CFAP299: variants seen among roughly 807,000 people sequenced by gnomAD.
CFAP299 encodes the protein cilia and flagella associated protein 299.
Under a neutral mutation model 27.0 loss-of-function variants are expected in CFAP299, and 21 were observed. The observed-to-expected ratio is 0.78, with a 90% CI of 0.55 to 1.12. The LOEUF (loss-of-function observed/expected upper bound fraction) is 1.12. Ranked by LOEUF, CFAP299 falls within the 50% of genes most tolerant of loss-of-function variation. CFAP299 has a pLI of 0.00. For missense variants in CFAP299, 310 were observed against 276.6 expected (o/e 1.12, Z -0.86); for synonymous variants, 104 against 98.1 (o/e 1.06, Z -0.36).
At chr4:80,741,288 G>T (rs191841800) in intron 3 of CFAP299, among the ~76,000 whole-genome samples, 1 of 151,946 alleles carries the variant, frequency 6.6e-6, no homozygotes, top group African/African-American at 2.4e-5. Flanking sequence ...TTGCTCTGTC[G>T]CCCAGGCTGG....
chr4:80,674,973 C>T (rs532286828), intron 3 of CFAP299, among the ~76,000 whole-genome samples: 5 of 152,262 alleles, frequency 3.3e-5, no homozygotes, highest in African/African-American at 1.2e-4. Flanking sequence ...TGAACATCCT[C>T]CTTTAGCTTG....
chr4:80,587,457 C>A (rs578070564), intron 3 of CFAP299, among the ~76,000 whole-genome samples: 2 of 152,220 alleles, frequency 1.3e-5, no homozygotes, highest in East Asian at 3.9e-4. Context: ...GCTGAAGACA[C>A]ATTTCTCAAC....
chr4:80,561,955 A>G (rs934642257), intron 2 of CFAP299, among the ~76,000 whole-genome samples: 2 of 152,172 alleles, frequency 1.3e-5, no homozygotes, highest in Admixed American at 6.5e-5. Context: ...TTTTTAAGAC[A>G]TGGACAATGT....
chr4:80,660,457 G>T (rs1247499591), intron 3 of CFAP299, among the ~76,000 whole-genome samples: 1 of 152,178 alleles, frequency 6.6e-6, no homozygotes, highest in Non-Finnish European at 1.5e-5. Flanking sequence ...AAAGTATTTT[G>T]TTAGGCATAA....
intron 1 of CFAP299, among the ~76,000 whole-genome samples, chr4:80,358,176 G>C (rs546896170): frequency 1.7e-4 from 26 of 151,688 alleles, no homozygotes; most frequent in Non-Finnish European, 3.5e-4. Context: ...TTGATTTCTA[G>C]TTTGATTGTG....
chr4:80,852,575 A>C (rs1180551573), intron 3 of CFAP299, among the ~76,000 whole-genome samples: 2 of 152,248 alleles, frequency 1.3e-5, no homozygotes, highest in African/African-American at 2.4e-5. Context: ...AAAGCAAAGA[A>C]GGAAGCATTA....
In CFAP299 at chr4:80,376,814, C is replaced by T. The variant is rs566411676; in HGVS notation, c.242+13930C>T. Among the ~76,000 whole-genome samples the T allele has an allele frequency of 7.2e-5, 11 of 152,260 alleles. 1 individual carries two copies. In the East Asian group the frequency reaches 2.1e-3, roughly 29 times the overall value. On this transcript the variant is annotated intron_variant, in intron 2 of 5. Coordinates refer to ENST00000358105, the MANE Select transcript of CFAP299 (RefSeq NM_152770.3). ...GAATTACAGGTGCCCGCCACCACGC[C>T]TGGCTAATTTTTGTATTTTTAGTAG...
At chr4:80,917,187 C>T (rs567089395) in intron 4 of CFAP299, among the ~76,000 whole-genome samples, 203 of 151,750 alleles carry the variant, frequency 1.3e-3, no homozygotes, top group African/African-American at 4.8e-3. Flanking sequence ...AAGTTTGGGA[C>T]TTTTTTTTAT....
At chr4:80,838,265 A>C (rs1730676091) in intron 3 of CFAP299, among the ~76,000 whole-genome samples, 1 of 152,074 alleles carries the variant, frequency 6.6e-6, no homozygotes, top group African/African-American at 2.4e-5. Flanking sequence ...TCTTTAGTTT[A>C]ATTAGATCCC....
chr4:80,755,693 G>T (rs1437371595), intron 3 of CFAP299, among the ~76,000 whole-genome samples: 1 of 152,106 alleles, frequency 6.6e-6, no homozygotes, highest in Non-Finnish European at 1.5e-5. Flanking sequence ...TAATTCCTGT[G>T]CAAGGAGCAG....
At chr4:80,740,978 C>T (rs77056097) in intron 3 of CFAP299, among the ~76,000 whole-genome samples, 1 of 152,166 alleles carries the variant, frequency 6.6e-6, no homozygotes, top group Non-Finnish European at 1.5e-5. Context: ...CAAAAGTGCT[C>T]TCCAAGAGCC....
chr4:80,749,658 C>T (rs140584929), intron 3 of CFAP299, among the ~76,000 whole-genome samples: 58 of 152,220 alleles, frequency 3.8e-4, no homozygotes, highest in African/African-American at 1.3e-3. Context: ...GTCCAAAAGC[C>T]GAAGAACTTA....
At chr4:80,807,136 AT>A (rs919738898) in intron 3 of CFAP299, among the ~76,000 whole-genome samples, 2 of 152,098 alleles carry the variant, frequency 1.3e-5, no homozygotes, top group East Asian at 1.9e-4. Flanking sequence ...TAAAGAAATG[AT>A]TTTTTTCTTT....
At chr4:80,902,342 A>G (rs990203378) in intron 4 of CFAP299, among the ~76,000 whole-genome samples, 12 of 145,578 alleles carry the variant, frequency 8.2e-5, no homozygotes, top group Non-Finnish European at 1.6e-4. Context: ...TTTTATCCAT[A>G]TATATGGATA....
intron 3 of CFAP299, among the ~76,000 whole-genome samples, chr4:80,801,335 T>C (rs1199312767): frequency 6.6e-6 from 1 of 152,062 alleles, no homozygotes; most frequent in African/African-American, 2.4e-5. Flanking sequence ...ATGGAATCTA[T>C]GATTGACACA....
intron 2 of CFAP299, among the ~76,000 whole-genome samples, chr4:80,500,267 A>C (rs1424381034): frequency 6.6e-6 from 1 of 152,128 alleles, no homozygotes; most frequent in Non-Finnish European, 1.5e-5. Context: ...AGAGAAAGGC[A>C]TTCTCCTGGG....
In CFAP299 at chr4:80,944,867, G is replaced by A; in HGVS notation, c.534G>A (p.Val178=). Reference sequence around the variant, plus strand: ...GTAATTCAAGTCCCAACTATCAAGTGATTGCCGATAATCCAGAAGGCTTAC... The same window carrying A: ...GTAATTCAAGTCCCAACTATCAAGTAATTGCCGATAATCCAGAAGGCTTAC... ...AVSNSSPNYQ[V]IADNPEGLLF... Residue 178 remains valine (V), a synonymous_variant, in exon 5 of 6, where the codon GTG becomes GTA. Coordinates refer to ENST00000358105, the MANE Select transcript of CFAP299 (RefSeq NM_152770.3). 8 of 1,611,974 alleles carry A rather than the reference G, an allele frequency of 5.0e-6. No homozygotes were observed. The highest frequency in any genetic ancestry group is 6.8e-6 in the Non-Finnish European group (8 of 1,178,322).
chr4:80,790,822 T>G (rs1449886225), intron 3 of CFAP299, among the ~76,000 whole-genome samples: 1 of 152,108 alleles, frequency 6.6e-6, no homozygotes, highest in East Asian at 1.9e-4. Flanking sequence ...AAATTTACCA[T>G]GACTATTACA....
At chr4:80,684,295 C>T (rs1236957327) in intron 3 of CFAP299, among the ~76,000 whole-genome samples, 1 of 151,026 alleles carries the variant, frequency 6.6e-6, no homozygotes, top group South Asian at 2.1e-4. Context: ...GACGGAGCCT[C>T]ACTTTGTTGC....
Sources: gnomAD v4.1 joint callset for allele counts (sites outside exome capture counted in the v4.1 genomes callset) on GRCh38, gnomAD v4.1.1 for gene constraint, MANE v1.5 for transcripts, NCBI Gene and HGNC (gene_info 2026-07-23, HGNC 2026-07-21) for gene names.